The following NELL1 variants were observed in gnomAD, a reference collection of about 807,000 sequenced individuals.
NELL1 encodes the protein protein kinase C-binding protein NELL1.
Under a neutral mutation model 107.4 loss-of-function variants are expected in NELL1, and 76 were observed. The ratio of observed to expected loss-of-function variants is 0.71; its 90% CI spans 0.59 to 0.86. The LOEUF is 0.86. Among genes scored for constraint, NELL1 ranks in the 40% least tolerant of loss-of-function variants. The pLI, the probability that NELL1 is intolerant of heterozygous loss-of-function variation, is 0.00. For missense variants in NELL1, 1,024 were observed against 1,005.5 expected, an observed-to-expected ratio of 1.02 and a Z score of -0.25; for synonymous variants, 353 against 341.2, an observed-to-expected ratio of 1.03 and a Z score of -0.38.
chr11:21,136,714 T>C (rs1004953501), intron 13 of NELL1, among the ~76,000 whole-genome samples: 1 of 152,158 alleles, frequency 6.6e-6, no homozygotes, highest in Non-Finnish European at 1.5e-5. Flanking sequence ...TTTGGAGCAA[T>C]TTAAAAAGAC....
intron 2 of NELL1, among the ~76,000 whole-genome samples, chr11:20,702,417 A>G (rs1225445688): frequency 3.3e-5 from 5 of 152,028 alleles, no homozygotes; most frequent in Admixed American, 6.6e-5. Flanking sequence ...GGGCTGAGAC[A>G]ATGGGGTTTT....
At chr11:21,359,939 A>G (rs555550415) in intron 14 of NELL1, among the ~76,000 whole-genome samples, 55 of 152,058 alleles carry the variant, frequency 3.6e-4, no homozygotes, top group African/African-American at 1.3e-3. Flanking sequence ...AAGAACCAGC[A>G]TTTTATTTTA....
chr11:21,173,239 G>A (rs970511277), intron 13 of NELL1, among the ~76,000 whole-genome samples: 4 of 151,740 alleles, frequency 2.6e-5, no homozygotes, highest in Non-Finnish European at 5.9e-5. Context: ...GACGGTAGGA[G>A]GCAAAGGGGG....
At chr11:21,303,728 A>G (rs1197250352) in intron 14 of NELL1, among the ~76,000 whole-genome samples, 3 of 152,102 alleles carry the variant, frequency 2.0e-5, no homozygotes, top group African/African-American at 7.2e-5. Context: ...TCACAGCACT[A>G]TTCACGATAG....
At chr11:21,477,257 T>A (rs1182519658) in intron 15 of NELL1, among the ~76,000 whole-genome samples, 4 of 152,108 alleles carry the variant, frequency 2.6e-5, no homozygotes, top group African/African-American at 7.2e-5. Flanking sequence ...GTAATGTGGA[T>A]ACTGGTTCAG....
intron 17 of NELL1, among the ~76,000 whole-genome samples, chr11:21,565,220 G>A (rs1221708598): frequency 6.6e-6 from 1 of 151,886 alleles, no homozygotes; most frequent in East Asian, 1.9e-4. Flanking sequence ...CTTTTCCTTG[G>A]AAAGAGGAAC....
intron 12 of NELL1, among the ~76,000 whole-genome samples, chr11:21,020,625 C>T (rs779349583): frequency 2.6e-4 from 39 of 152,008 alleles, no homozygotes; most frequent in Non-Finnish European, 5.3e-4. Context: ...GAAGCTTCTG[C>T]ACATCTAAGC....
At chr11:21,072,238 G>T (rs1184882899) in intron 12 of NELL1, among the ~76,000 whole-genome samples, 1 of 152,130 alleles carries the variant, frequency 6.6e-6, no homozygotes, top group Non-Finnish European at 1.5e-5. Context: ...AGCAATAAAT[G>T]TGGGTATTAT....
intron 15 of NELL1, among the ~76,000 whole-genome samples, chr11:21,449,158 A>G (rs921166999): frequency 6.6e-6 from 1 of 152,144 alleles, no homozygotes; most frequent in African/African-American, 2.4e-5. Flanking sequence ...TGATTACACT[A>G]TTTTGCATTC....
intron 15 of NELL1, among the ~76,000 whole-genome samples, chr11:21,408,800 C>T (rs1473887701): frequency 1.3e-5 from 2 of 152,070 alleles, no homozygotes; most frequent in African/African-American, 4.8e-5. Flanking sequence ...CAGAAGAAGA[C>T]ATTTATGCAG....
rs542993572 is a variant in NELL1, at chr11:21,138,313, T to A, written c.1426+24599T>A. On this transcript the variant is annotated intron_variant, in intron 13 of 19. Coordinates refer to ENST00000357134, the MANE Select transcript of NELL1 (RefSeq NM_006157.5). ...TGAAGTTCCATCATTACCCACCTAC[T>A]AGATATGATGACACTCATAATGATA... is the stretch of plus-strand genomic sequence containing the variant. Among the ~76,000 whole-genome samples, 43 of 152,310 alleles carry A rather than the reference T, an allele frequency of 2.8e-4. No homozygotes were observed. In the East Asian group the frequency reaches 6.9e-3, roughly 25 times the overall value.
At chr11:20,685,951 TA>T (rs1854295775) in intron 2 of NELL1, among the ~76,000 whole-genome samples, 1 of 152,056 alleles carries the variant, frequency 6.6e-6, no homozygotes, top group South Asian at 2.1e-4. Flanking sequence ...AGGCAGTATT[TA>T]AGGGTGACAG....
chr11:20,874,223 A>G (rs1353916274), intron 4 of NELL1, among the ~76,000 whole-genome samples: 14 of 152,076 alleles, frequency 9.2e-5, no homozygotes, highest in Middle Eastern at 3.4e-3. Context: ...ACATGCCAAC[A>G]CACCCGGCTA....
At chr11:20,780,318 C>G (rs1166038717) in intron 2 of NELL1, among the ~76,000 whole-genome samples, 1 of 152,036 alleles carries the variant, frequency 6.6e-6, no homozygotes, top group Non-Finnish European at 1.5e-5. Flanking sequence ...ATTTTCATGG[C>G]CATGAGCATT....
chr11:21,175,296 A>G (rs561458076), intron 13 of NELL1, among the ~76,000 whole-genome samples: 22 of 151,862 alleles, frequency 1.4e-4, no homozygotes, highest in South Asian at 1.0e-3. Context: ...TGAATTTTCA[A>G]TTCTAACCAT....
chr11:20,736,642 T>A (rs910686682), intron 2 of NELL1, among the ~76,000 whole-genome samples: 1 of 152,184 alleles, frequency 6.6e-6, no homozygotes, highest in Non-Finnish European at 1.5e-5. Context: ...ACTTATTTTT[T>A]AAATCATGAA....
At chr11:21,379,191 A>G (rs982583434) in intron 15 of NELL1, among the ~76,000 whole-genome samples, 4 of 152,108 alleles carry the variant, frequency 2.6e-5, no homozygotes, top group African/African-American at 7.2e-5. Flanking sequence ...TATAAATACA[A>G]TTGTGTAGAT....
At chr11:21,060,354 T>C (rs140253641) in intron 12 of NELL1, among the ~76,000 whole-genome samples, 41 of 152,338 alleles carry the variant, frequency 2.7e-4, no homozygotes, top group African/African-American at 9.4e-4. Context: ...TGCATGTTAA[T>C]AGCCTGTAAA....
At chr11:21,336,067 A>T (rs1020826418) in intron 14 of NELL1, among the ~76,000 whole-genome samples, 14 of 152,142 alleles carry the variant, frequency 9.2e-5, no homozygotes, top group African/African-American at 3.4e-4. Flanking sequence ...AACATTATTT[A>T]TATACAACCT....
Sources: allele counts gnomAD v4.1 joint callset (sites outside exome capture counted in the v4.1 genomes callset), GRCh38; gene constraint gnomAD v4.1.1; transcripts MANE v1.5; gene names NCBI Gene and HGNC (gene_info 2026-07-23, HGNC 2026-07-21).